The following ROBO2 variants were observed in gnomAD, a reference collection of about 807,000 sequenced individuals.
The protein encoded by ROBO2 is roundabout guidance receptor 2, also known as roundabout homolog 2.
ROBO2 carries 53 observed loss-of-function variants against 160.8 expected under a neutral mutation model. That is an observed-to-expected ratio of 0.33 (90% CI 0.26 to 0.41). The LOEUF is 0.41. Ranked by LOEUF, ROBO2 falls within the 10% of genes least tolerant of loss-of-function variation. ROBO2 has a pLI of 1.00. For missense variants in ROBO2, 1,577 were observed against 1,722.4 expected (o/e 0.92, Z 1.49); for synonymous variants, 664 against 611.7 (o/e 1.09, Z -1.26).
At position 76,273,058 on chromosome 3, in the gene ROBO2, A is replaced by G. The variant is rs528192838; in HGVS notation, c.109+335456A>G. On this transcript the variant is annotated intron_variant, in intron 2 of 26. Coordinates refer to the ROBO2 transcript ENST00000487694. ...TATAAAATATATATTATATAAATATATAAAAAATATATATAAATATAATAT... is the reference window on the plus strand; with the variant it reads ...TATAAAATATATATTATATAAATATGTAAAAAATATATATAAATATAATAT... 6.7e-5 allele frequency among the ~76,000 whole-genome samples: 7 copies of G among 105,232 alleles called. No individual in the cohort carries two copies. The South Asian group carries it at 9.8e-4, about 15-fold the overall frequency. The allele number at this position is 105,232 out of a possible 152,430, so 69.0% of individuals were successfully genotyped here. A position where few individuals can be genotyped will look rare whatever the true frequency, so the allele number is the denominator to read the frequency against.
intron 2 of ROBO2, among the ~76,000 whole-genome samples, chr3:76,811,997 A>T (rs973343811): frequency 1.3e-5 from 2 of 151,682 alleles, no homozygotes; most frequent in African/African-American, 4.8e-5. Flanking sequence ...CAGCCTCCCA[A>T]GTAGCTAGGA....
At chr3:77,605,672 G>A (rs751536014) in intron 20 of ROBO2, among the ~76,000 whole-genome samples, 4 of 152,162 alleles carry the variant, frequency 2.6e-5, no homozygotes, top group Non-Finnish European at 5.9e-5. Flanking sequence ...TCTGGAAGTA[G>A]TAATTTCCAG....
chr3:76,839,553 C>T (rs1392642617), intron 2 of ROBO2, among the ~76,000 whole-genome samples: 5 of 152,028 alleles, frequency 3.3e-5, no homozygotes, highest in African/African-American at 9.7e-5. Context: ...AGTGTATTGT[C>T]GAATTCATTA....
At position 76,732,742 on chromosome 3, in the gene ROBO2, T is replaced by C. The variant is rs140536489; in HGVS notation, c.110-365272T>C. Among the ~76,000 whole-genome samples the C allele has an allele frequency of 7.7e-3, 1,176 of 152,296 alleles. 17 individuals carry two copies. The highest frequency in any genetic ancestry group is 0.027 in the African/African-American group (1,112 of 41,548). ...GAGGACTGACATGAAATGATTGTCA[T>C]GGGATGGCCAGAAAAGAGAGATTGG... is the stretch of plus-strand genomic sequence containing the variant. On this transcript the variant is annotated intron_variant, in intron 2 of 26. Coordinates refer to the ROBO2 transcript ENST00000487694.
At chr3:75,990,445 T>C (rs1040792132) in intron 2 of ROBO2, among the ~76,000 whole-genome samples, 23 of 152,250 alleles carry the variant, frequency 1.5e-4, no homozygotes, top group African/African-American at 5.3e-4. Flanking sequence ...ATTTATAGAG[T>C]TGGCCTCTAA....
intron 2 of ROBO2, among the ~76,000 whole-genome samples, chr3:76,708,647 C>T (rs553154979): frequency 6.6e-6 from 1 of 152,256 alleles, no homozygotes; most frequent in South Asian, 2.1e-4. Flanking sequence ...AATTTATATG[C>T]CTTGCCCAGC....
chr3:76,432,248 G>C (rs1309834043), intron 2 of ROBO2, among the ~76,000 whole-genome samples: 2 of 152,148 alleles, frequency 1.3e-5, no homozygotes, highest in African/African-American at 4.8e-5. Context: ...AAAGTATTTA[G>C]AGAAAATGAA....
chr3:76,090,767 G>A lies in ROBO2; in HGVS notation c.109+153165G>A, dbSNP rs553300314. On this transcript the variant is annotated intron_variant, in intron 2 of 26. Transcript: ENST00000487694. ...CACATAGAACGGAACGGAACGGAAC[G>A]GAACGGGAGAGCCCAGAAACAGACC... 6.6e-5 allele frequency among the ~76,000 whole-genome samples: 10 copies of A among 152,174 alleles called. No individual in the cohort carries two copies. The South Asian group carries it at 1.0e-3, about 16-fold the overall frequency.
At chr3:76,014,999 G>A (rs1415362201) in intron 2 of ROBO2, among the ~76,000 whole-genome samples, 2 of 152,078 alleles carry the variant, frequency 1.3e-5, no homozygotes, top group Admixed American at 1.3e-4. Context: ...TCAATAACTT[G>A]AGCTAATATC....
intron 2 of ROBO2, among the ~76,000 whole-genome samples, chr3:76,103,260 G>A (rs72894552): frequency 0.032 from 4,926 of 152,174 alleles, 290 homozygotes; most frequent in African/African-American, 0.11. Context: ...CAGAGCACTC[G>A]CCACATTTTA....
At chr3:77,090,295 A>ATGAT (rs1293790960) in intron 1 of ROBO2, among the ~76,000 whole-genome samples, 2 of 120,644 alleles carry the variant, frequency 1.7e-5, no homozygotes, top group African/African-American at 5.8e-5. Flanking sequence ...ATCCATATAT[A>ATGAT]TGATTTCTTT....
chr3:76,100,261 T>G (rs2069630203), intron 2 of ROBO2, among the ~76,000 whole-genome samples: 2 of 152,316 alleles, frequency 1.3e-5, no homozygotes, highest in South Asian at 4.1e-4. Context: ...GTGATTGATT[T>G]CAGGCTCAAT....
At chr3:76,206,499 A>G (rs1319094436) in intron 2 of ROBO2, among the ~76,000 whole-genome samples, 2 of 152,152 alleles carry the variant, frequency 1.3e-5, no homozygotes, top group African/African-American at 2.4e-5. Context: ...TCCAACGTGC[A>G]TATAGACACT....
In ROBO2 at chr3:76,742,305, C is replaced by G. The variant is rs2093815275; in HGVS notation, c.110-355709C>G. On this transcript the variant is annotated intron_variant, in intron 2 of 26. Coordinates refer to the ROBO2 transcript ENST00000487694. ...GGCTAGACAATGATTAAATCTCTGT[C>G]AGATATAAATCTTGCATTCTTATAA... 5.9e-5 allele frequency among the ~76,000 whole-genome samples: 9 copies of G among 152,200 alleles called. No homozygotes were observed. In the South Asian group the frequency reaches 1.9e-3, roughly 32 times the overall value.
intron 2 of ROBO2, among the ~76,000 whole-genome samples, chr3:76,647,670 C>T (rs934218345): frequency 6.6e-6 from 1 of 151,890 alleles, no homozygotes; most frequent in Non-Finnish European, 1.5e-5. Flanking sequence ...TATTAATGCA[C>T]TGTGCACGTG....
intron 2 of ROBO2, among the ~76,000 whole-genome samples, chr3:77,113,191 C>T (rs1001649193): frequency 6.6e-6 from 1 of 152,120 alleles, no homozygotes; most frequent in African/African-American, 2.4e-5. Flanking sequence ...CATGTAATTC[C>T]CCAGGACCCA....
intron 2 of ROBO2, among the ~76,000 whole-genome samples, chr3:75,951,866 A>G (rs9873802): frequency 0.43 from 65,753 of 151,816 alleles, 15,511 homozygotes; most frequent in South Asian, 0.66. Flanking sequence ...TGTGTACTTT[A>G]TAAGTACATT....
At chr3:77,427,235 A>C (rs1461680743) in intron 2 of ROBO2, among the ~76,000 whole-genome samples, 1 of 152,212 alleles carries the variant, frequency 6.6e-6, no homozygotes. Flanking sequence ...TTATGGAAGC[A>C]TTGTCAGACC....
chr3:77,300,846 C>CTATTTATT (rs3070173), intron 2 of ROBO2, among the ~76,000 whole-genome samples: 148 of 146,356 alleles, frequency 1.0e-3, no homozygotes, highest in African/African-American at 2.3e-3. Context: ...AAATAATAGA[C>CTATTTATT]TATTTATTTA....
Sources: allele counts gnomAD v4.1 joint callset (sites outside exome capture counted in the v4.1 genomes callset), GRCh38; gene constraint gnomAD v4.1.1; transcripts MANE v1.5; gene names NCBI Gene and HGNC (gene_info 2026-07-23, HGNC 2026-07-21).